Variants in TUSC3 observed in about 807,000 individuals in gnomAD.
TUSC3 encodes the protein tumor suppressor candidate 3.
A neutral mutation model predicts 44.8 loss-of-function variants in TUSC3; 45 were observed. The ratio of observed to expected loss-of-function variants is 1.00; its 90% CI spans 0.79 to 1.29. The LOEUF is 1.29. Among genes scored for constraint, TUSC3 ranks in the 50% most tolerant of loss-of-function variants. The pLI is 0.00. For synonymous variants in TUSC3, 212 were observed against 152.9 expected, an observed-to-expected ratio of 1.39 and a Z score of -2.85; for missense variants, 519 against 437.9, an observed-to-expected ratio of 1.19 and a Z score of -1.65.
At chr8:15,522,981 G>A (rs557115796) in intron 2 of TUSC3, among the ~76,000 whole-genome samples, 15 of 152,242 alleles carry the variant, frequency 9.9e-5, no homozygotes, top group Non-Finnish European at 1.5e-4. Flanking sequence ...AAGATGCATC[G>A]TTAAGTAAGG....
chr8:15,665,040 C>A lies in TUSC3; in HGVS notation c.708+2744C>A, dbSNP rs758816348. Among the ~76,000 whole-genome samples, 178 of 151,480 alleles carry A rather than the reference C, an allele frequency of 1.2e-3. 1 individual carries two copies. The highest frequency in any genetic ancestry group is 1.4e-3 in the Non-Finnish European group (98 of 67,594). On this transcript the variant is annotated intron_variant, in intron 5 of 10. Coordinates refer to ENST00000503731, the MANE Select transcript of TUSC3 (RefSeq NM_006765.4). The stretch of plus-strand genomic sequence containing the variant: ...TTAAGAGACTGTCCAAAATGCTGAC[C>A]TATTCATTCAGATTCTCAAACATTT...
intron 1 of TUSC3, among the ~76,000 whole-genome samples, chr8:15,474,353 C>G (rs1800539164): frequency 6.6e-6 from 1 of 152,082 alleles, no homozygotes. Flanking sequence ...CCTCAGCTTA[C>G]AAAGATAACA....
chr8:15,709,151 G>A (rs1809739337), intron 6 of TUSC3, among the ~76,000 whole-genome samples: 1 of 151,784 alleles, frequency 6.6e-6, no homozygotes, highest in South Asian at 2.1e-4. Flanking sequence ...ATTATGTTTG[G>A]GAAGGTATAC....
intron 1 of TUSC3, among the ~76,000 whole-genome samples, chr8:15,451,666 C>T (rs1009692285): frequency 4.6e-5 from 7 of 152,034 alleles, no homozygotes; most frequent in Admixed American, 2.6e-4. Flanking sequence ...AGTAATTGAA[C>T]CTGAGGAAGG....
intron 7 of TUSC3, among the ~76,000 whole-genome samples, chr8:15,739,159 A>G (rs1301190110): frequency 2.0e-5 from 3 of 151,878 alleles, no homozygotes; most frequent in Non-Finnish European, 2.9e-5. Flanking sequence ...AATTTTTGTC[A>G]ATTTCATTTT....
At chr8:15,642,404 GAATA>G (rs1458944592) in intron 2 of TUSC3, among the ~76,000 whole-genome samples, 1 of 152,110 alleles carries the variant, frequency 6.6e-6, no homozygotes, top group African/African-American at 2.4e-5. Flanking sequence ...AGATAAATAT[GAATA>G]AATATACGAA....
chr8:15,417,639 T>C (rs1431314357), intron 1 of TUSC3, among the ~76,000 whole-genome samples: 2 of 152,154 alleles, frequency 1.3e-5, no homozygotes, highest in African/African-American at 4.8e-5. Flanking sequence ...AAATATATAC[T>C]AGAGAGAAAA....
intron 4 of TUSC3, among the ~76,000 whole-genome samples, chr8:15,660,916 A>C (rs911513120): frequency 2.0e-5 from 3 of 151,474 alleles, no homozygotes; most frequent in Admixed American, 6.6e-5. Flanking sequence ...AAAAAAAAAA[A>C]AAAAACCCAT....
Position 15,418,062 on chromosome 8 carries a change from A to G in TUSC3, n.91+757A>G, listed in dbSNP as rs192666421. Among the ~76,000 whole-genome samples the G allele has an allele frequency of 2.0e-5, 3 of 152,320 alleles. No homozygotes were observed. In the East Asian group the frequency reaches 5.8e-4, roughly 29 times the overall value. On this transcript the variant is annotated intron_variant and non_coding_transcript_variant, in intron 1 of 5. Transcript: ENST00000503191. The stretch of plus-strand genomic sequence containing the variant: ...AGATAGACAGTTACGAGAATTTCAT[A>G]CTCAATAAAAAAGGAGAAAACTACT...
intron 1 of TUSC3, among the ~76,000 whole-genome samples, chr8:15,456,000 C>T (rs1800252341): frequency 6.6e-6 from 1 of 152,150 alleles, no homozygotes; most frequent in Admixed American, 6.6e-5. Context: ...TGACCAATGA[C>T]TCCACCAGGA....
chr8:15,480,851 C>T (rs1238331151), intron 1 of TUSC3, among the ~76,000 whole-genome samples: 1 of 152,162 alleles, frequency 6.6e-6, no homozygotes, highest in Non-Finnish European at 1.5e-5. Context: ...GCTAAGACTT[C>T]AATATACGAA....
chr8:15,586,649 C>G (rs1223827432), intron 1 of TUSC3, among the ~76,000 whole-genome samples: 1 of 152,072 alleles, frequency 6.6e-6, no homozygotes, highest in Non-Finnish European at 1.5e-5. Context: ...ATTAATGCAA[C>G]ATGGTTTTAA....
chr8:15,428,438 A>T (rs1260583449), intron 1 of TUSC3, among the ~76,000 whole-genome samples: 1 of 151,996 alleles, frequency 6.6e-6, no homozygotes, highest in East Asian at 1.9e-4. Context: ...ATACGTGTGC[A>T]TGTGTCTTTA....
the TUSC3 span, among the ~76,000 whole-genome samples, chr8:15,843,760 T>C: frequency 4.5e-3 from 679 of 152,092 alleles, 5 homozygotes; most frequent in African/African-American, 0.015. Context: ...AACACCTGTG[T>C]TCCAGATTAT....
intron 1 of TUSC3, among the ~76,000 whole-genome samples, chr8:15,425,985 A>G (rs760817667): frequency 2.2e-4 from 34 of 152,246 alleles, no homozygotes; most frequent in Non-Finnish European, 4.3e-4. Flanking sequence ...CATTGTACTC[A>G]AGCCTGGACA....
intron 6 of TUSC3, among the ~76,000 whole-genome samples, chr8:15,708,978 A>G (rs926239389): frequency 1.3e-5 from 2 of 151,964 alleles, no homozygotes; most frequent in African/African-American, 4.8e-5. Flanking sequence ...ACAAAGTAGT[A>G]CTTAATTTAG....
chr8:15,501,536 A>G (rs1052204645), intron 2 of TUSC3, among the ~76,000 whole-genome samples: 6 of 152,196 alleles, frequency 3.9e-5, no homozygotes, highest in African/African-American at 1.4e-4. Flanking sequence ...ATCTGGAATC[A>G]TGGTAGGTTT....
At chr8:15,520,959 T>C (rs1248699836) in intron 2 of TUSC3, among the ~76,000 whole-genome samples, 1 of 152,190 alleles carries the variant, frequency 6.6e-6, no homozygotes, top group Non-Finnish European at 1.5e-5. Context: ...ACAGTTATTT[T>C]ACTTGGAGAT....
chr8:15,843,008 C>A, the TUSC3 span, among the ~76,000 whole-genome samples: 1 of 152,300 alleles, frequency 6.6e-6, no homozygotes, highest in East Asian at 1.9e-4. Context: ...GTAGCAACCA[C>A]AGCCTGAGAA....
Sources: gnomAD v4.1 joint callset for allele counts (sites outside exome capture counted in the v4.1 genomes callset) on GRCh38, gnomAD v4.1.1 for gene constraint, MANE v1.5 for transcripts, NCBI Gene and HGNC (gene_info 2026-07-23, HGNC 2026-07-21) for gene names.